SYN3: variants seen among roughly 807,000 people sequenced by gnomAD.
SYN3 encodes the protein synapsin III.
In SYN3, 35 loss-of-function variants were observed where a neutral mutation model predicts 65.8. The observed-to-expected ratio is 0.53, with a 90% confidence interval of 0.41 to 0.70. The LOEUF is 0.70. SYN3 is among the 30% of genes least tolerant of loss of function. The pLI is 0.00. For synonymous variants in SYN3, 270 were observed against 292.9 expected, an observed-to-expected ratio of 0.92 and a Z score of 0.80; for missense variants, 680 against 749.0, an observed-to-expected ratio of 0.91 and a Z score of 1.08.
Position 33,025,283 on chromosome 22 carries a change from G to T in SYN3, c.-162-18459C>A, listed in dbSNP as rs187796449. 2.7e-3 allele frequency among the ~76,000 whole-genome samples: 409 copies of T among 151,794 alleles called. 1 individual carries two copies. The highest frequency in any genetic ancestry group is 9.5e-3 in the African/African-American group (393 of 41,394). On this transcript the variant is annotated intron_variant, in intron 1 of 13. Coordinates refer to ENST00000358763, the MANE Select transcript of SYN3 (RefSeq NM_003490.4). ...AGCCTGGCCAATATGGTAAAACCCC[G>T]TCTCTACTAAAAATACAAAAATTAG... is the stretch of plus-strand genomic sequence containing the variant.
At chr22:32,701,489 T>C (rs73403197) in intron 6 of SYN3, among the ~76,000 whole-genome samples, 4,038 of 152,272 alleles carry the variant, frequency 0.027, 179 homozygotes, top group African/African-American at 0.091. Context: ...AAGGTTGAAT[T>C]TGTAGACAAG....
chr22:32,911,577 G>A (rs1333294028), intron 4 of SYN3, among the ~76,000 whole-genome samples: 1 of 152,132 alleles, frequency 6.6e-6, no homozygotes, highest in Admixed American at 6.5e-5. Context: ...AGGCAGCGCA[G>A]GCAGGAAGCA....
At chr22:32,748,784 C>T (rs1457078125) in intron 6 of SYN3, among the ~76,000 whole-genome samples, 1 of 152,174 alleles carries the variant, frequency 6.6e-6, no homozygotes, top group South Asian at 2.1e-4. Flanking sequence ...TACGATGGAA[C>T]ATTAGAAGCC....
chr22:32,762,013 G>A (rs2045494972), intron 6 of SYN3, among the ~76,000 whole-genome samples: 2 of 152,208 alleles, frequency 1.3e-5, no homozygotes, highest in South Asian at 2.1e-4. Context: ...TGTCCTTAGC[G>A]AGGGCTTGGG....
intron 7 of SYN3, among the ~76,000 whole-genome samples, chr22:32,586,237 G>C (rs2146528495): frequency 6.6e-6 from 1 of 152,040 alleles, no homozygotes; most frequent in South Asian, 2.1e-4. Context: ...TAAAGTTGCA[G>C]TGAACACTGA....
Position 32,903,187 on chromosome 22 carries a change from T to C in SYN3, c.461+28203A>G, listed in dbSNP as rs1254409599. Reference sequence around the variant, plus strand: ...TGTGACTGACCTTGAGTAAGACCAGTGAATGTTTGGTGCCCCAATTTTCTC... The same window carrying C: ...TGTGACTGACCTTGAGTAAGACCAGCGAATGTTTGGTGCCCCAATTTTCTC... On this transcript the variant is annotated intron_variant, in intron 4 of 13. Coordinates refer to ENST00000358763, the MANE Select transcript of SYN3 (RefSeq NM_003490.4). Among the ~76,000 whole-genome samples the C allele has an allele frequency of 3.9e-5, 6 of 152,164 alleles. 1 individual carries two copies. The highest frequency in any genetic ancestry group is 3.9e-4 in the Admixed American group (6 of 15,280).
chr22:32,616,697 C>T (rs1209141321), intron 6 of SYN3, among the ~76,000 whole-genome samples: 4 of 152,110 alleles, frequency 2.6e-5, no homozygotes, highest in Non-Finnish European at 2.9e-5. Context: ...CTGGTGGGGG[C>T]AGCAGATCTG....
At chr22:32,969,857 G>A (rs1478823475) in intron 3 of SYN3, among the ~76,000 whole-genome samples, 3 of 152,308 alleles carry the variant, frequency 2.0e-5, no homozygotes, top group African/African-American at 2.4e-5. Flanking sequence ...TCAAAGAGAC[G>A]TTAGAAATGG....
intron 3 of SYN3, among the ~76,000 whole-genome samples, chr22:32,958,834 C>T (rs1200776091): frequency 6.6e-6 from 1 of 152,058 alleles, no homozygotes; most frequent in Non-Finnish European, 1.5e-5. Context: ...TTTCACTAGG[C>T]TCCTTCCAAC....
intron 1 of SYN3, among the ~76,000 whole-genome samples, chr22:33,050,496 A>C (rs1387047918): frequency 6.1e-5 from 9 of 147,266 alleles, no homozygotes; most frequent in Non-Finnish European, 9.0e-5. Flanking sequence ...AAAAAAAAAA[A>C]AAACAAAACA....
intron 4 of SYN3, among the ~76,000 whole-genome samples, chr22:32,904,414 G>A (rs2049845791): frequency 6.6e-6 from 1 of 152,232 alleles, no homozygotes; most frequent in Non-Finnish European, 1.5e-5. Context: ...CAAGATGGAA[G>A]GCGCCTGGTT....
intron 4 of SYN3, among the ~76,000 whole-genome samples, chr22:32,919,424 T>C (rs1045697419): frequency 6.6e-6 from 1 of 152,164 alleles, no homozygotes; most frequent in Admixed American, 6.5e-5. Context: ...CATTCACCAC[T>C]GTACCCTCTG....
chr22:32,726,387 C>T (rs1049966319), intron 6 of SYN3, among the ~76,000 whole-genome samples: 9 of 152,324 alleles, frequency 5.9e-5, no homozygotes, highest in East Asian at 1.9e-4. Flanking sequence ...ATGATCTGCC[C>T]GCCTTGGCCT....
At chr22:32,778,282 T>C (rs2045954157) in intron 6 of SYN3, among the ~76,000 whole-genome samples, 1 of 136,542 alleles carries the variant, frequency 7.3e-6, no homozygotes, top group Non-Finnish European at 1.6e-5. Context: ...AGGTGTTCTG[T>C]GATGTAAGAC....
chr22:33,029,922 G>T (rs936401133), intron 1 of SYN3, among the ~76,000 whole-genome samples: 2 of 152,142 alleles, frequency 1.3e-5, no homozygotes, highest in Non-Finnish European at 2.9e-5. Flanking sequence ...CACACAGCAG[G>T]TTCACGTCTC....
intron 3 of SYN3, among the ~76,000 whole-genome samples, chr22:32,954,124 A>G (rs2051373073): frequency 1.3e-5 from 2 of 152,000 alleles, no homozygotes; most frequent in South Asian, 4.2e-4. Flanking sequence ...AAACAAAACA[A>G]AACAAAACAA....
At chr22:32,849,561 G>A (rs370939689) in intron 6 of SYN3, 32 of 1,604,864 alleles carry the variant, frequency 2.0e-5, no homozygotes, top group Non-Finnish European at 2.5e-5. Flanking sequence ...CCCTGGCTCC[G>A]GGAAGGTTTT....
chr22:32,748,735 C>G (rs989194835), intron 6 of SYN3, among the ~76,000 whole-genome samples: 3 of 152,132 alleles, frequency 2.0e-5, no homozygotes, highest in African/African-American at 4.8e-5. Flanking sequence ...TCGACCAGAA[C>G]GAAGGTAGCC....
At position 32,738,324 on chromosome 22, in the gene SYN3, C is replaced by T. The variant is rs150446166; in HGVS notation, c.711+126591G>A. The stretch of plus-strand genomic sequence containing the variant: ...GGCACAAGCCTGACAAATGCCTGTT[C>T]CCATGAGTGTGAACACGATGTCACT... On this transcript the variant is annotated intron_variant, in intron 6 of 13. Coordinates refer to ENST00000358763, the MANE Select transcript of SYN3 (RefSeq NM_003490.4). 4.1e-3 allele frequency among the ~76,000 whole-genome samples: 628 copies of T among 152,274 alleles called. 5 individuals are homozygous for T. The highest frequency in any genetic ancestry group is 0.014 in the African/African-American group (573 of 41,556).
Sources: allele counts gnomAD v4.1 joint callset (sites outside exome capture counted in the v4.1 genomes callset), GRCh38; gene constraint gnomAD v4.1.1; transcripts MANE v1.5; gene names NCBI Gene and HGNC (gene_info 2026-07-23, HGNC 2026-07-21).